Variants in TMEM132B observed in about 807,000 individuals in gnomAD.
The protein encoded by TMEM132B is transmembrane protein 132B.
TMEM132B carries 18 observed loss-of-function variants against 90.8 expected under a neutral mutation model. The observed-to-expected ratio is 0.20, with a 90% confidence interval of 0.14 to 0.29. The LOEUF is 0.29. TMEM132B is among the 10% of genes least tolerant of loss of function. The pLI is 1.00. For synonymous variants in TMEM132B, 504 were observed against 523.3 expected, an observed-to-expected ratio of 0.96 and a Z score of 0.50; for missense variants, 1,096 against 1,326.8, an observed-to-expected ratio of 0.83 and a Z score of 2.70.
At chr12:125,480,484 T>C (rs12308460) in intron 3 of TMEM132B, among the ~76,000 whole-genome samples, 2,849 of 152,238 alleles carry the variant, frequency 0.019, 93 homozygotes, top group African/African-American at 0.066. Flanking sequence ...TAAACACCTC[T>C]ACGCAAATAA....
At chr12:125,287,954 G>A (rs1354460128) in intron 1 of TMEM132B, among the ~76,000 whole-genome samples, 2 of 151,910 alleles carry the variant, frequency 1.3e-5, no homozygotes, top group African/African-American at 4.8e-5. Flanking sequence ...TGCAACCTCT[G>A]CCTCCCGGGT....
chr12:125,579,071 G>A (rs1416406507), intron 4 of TMEM132B, among the ~76,000 whole-genome samples: 1 of 152,004 alleles, frequency 6.6e-6, no homozygotes, highest in Non-Finnish European at 1.5e-5. Context: ...GACTGCAATT[G>A]TGCTTATGCT....
At chr12:125,634,456 A>T (rs1274168017) in intron 5 of TMEM132B, among the ~76,000 whole-genome samples, 1 of 152,192 alleles carries the variant, frequency 6.6e-6, no homozygotes, top group Non-Finnish European at 1.5e-5. Flanking sequence ...TGCAAGAGAA[A>T]TTCTTTACTT....
At chr12:125,526,456 G>T (rs931354295) in intron 4 of TMEM132B, among the ~76,000 whole-genome samples, 14 of 152,196 alleles carry the variant, frequency 9.2e-5, no homozygotes, top group African/African-American at 2.4e-4. Flanking sequence ...AGATGCTGGG[G>T]GAATGAGGGT....
At chr12:125,615,325 ATCTG>A (rs984872240) in intron 5 of TMEM132B, among the ~76,000 whole-genome samples, 18 of 152,040 alleles carry the variant, frequency 1.2e-4, no homozygotes, top group South Asian at 2.1e-4. Context: ...TATATATGAT[ATCTG>A]TCTGTCTATC....
At chr12:125,315,227 C>T (rs1876233565) in intron 1 of TMEM132B, among the ~76,000 whole-genome samples, 1 of 152,254 alleles carries the variant, frequency 6.6e-6, no homozygotes, top group African/African-American at 2.4e-5. Flanking sequence ...GAGACAGGGT[C>T]TCGCTCTGTC....
At chr12:125,564,614 G>A (rs73416341) in intron 4 of TMEM132B, among the ~76,000 whole-genome samples, 26,568 of 152,096 alleles carry the variant, frequency 0.17, 2,553 homozygotes, top group East Asian at 0.43. Flanking sequence ...AGGATTGAAG[G>A]GCTTAAGGAA....
chr12:125,652,808 A>T (rs1029774494), intron 8 of TMEM132B, among the ~76,000 whole-genome samples, 176 bp downstream of exon 8: 1 of 152,226 alleles, frequency 6.6e-6, no homozygotes, highest in African/African-American at 2.4e-5. Flanking sequence ...TGGCTTAGAC[A>T]CATTTCCTCT....
chr12:125,366,888 A>G (rs1878151256), intron 2 of TMEM132B, among the ~76,000 whole-genome samples: 1 of 152,182 alleles, frequency 6.6e-6, no homozygotes, highest in Non-Finnish European at 1.5e-5. Context: ...TTTACATTGA[A>G]TAATTCCATT....
rs561958742 is a variant in TMEM132B at position 125,605,585 on chromosome 12, A to G, written c.1437+21591A>G. On this transcript the variant is annotated intron_variant, in intron 5 of 8. Coordinates refer to ENST00000682704, the MANE Select transcript of TMEM132B (RefSeq NM_001366854.1). ...GTTGAGCAGAATTCCCTATATTAGT[A>G]TGAAAAATCTCTCCTCTTAATTTTC... Among the ~76,000 whole-genome samples, 4 of 152,310 alleles carry G rather than the reference A, an allele frequency of 2.6e-5. No homozygotes were observed. In the South Asian group the frequency reaches 8.3e-4, roughly 32 times the overall value.
chr12:125,530,233 G>GTTT (rs34629082), intron 4 of TMEM132B, among the ~76,000 whole-genome samples: 21 of 147,772 alleles, frequency 1.4e-4, no homozygotes, highest in Non-Finnish European at 2.4e-4. Flanking sequence ...TTATTCCATA[G>GTTT]TTTTTTTTTT....
intron 3 of TMEM132B, among the ~76,000 whole-genome samples, chr12:125,497,035 C>T (rs1248238683): frequency 6.6e-6 from 1 of 152,184 alleles, no homozygotes; most frequent in Non-Finnish European, 1.5e-5. Flanking sequence ...TAGAGTCTTA[C>T]CGGCTTCCTC....
rs1338052509 is a variant in TMEM132B at position 125,194,269 on chromosome 12, G to C, written c.67+7403G>C. On this transcript the variant is annotated intron_variant, in intron 1 of 8. Coordinates refer to ENST00000682704, the MANE Select transcript of TMEM132B (RefSeq NM_001366854.1). The stretch of plus-strand genomic sequence containing the variant: ...CGAGCCTGGTCTGAATTAACCCGTT[G>C]GTGGGGGGGTCTTACTCATTGTGGC... 3.2e-5 allele frequency among the ~76,000 whole-genome samples: 3 copies of C among 93,812 alleles called. No individual in the cohort carries two copies. In the Admixed American group the frequency reaches 3.5e-4, roughly 11 times the overall value. 61.5% of individuals were successfully genotyped at this position (93,812 alleles called of 152,430 possible).
At chr12:125,613,108 A>T (rs1325058881) in intron 5 of TMEM132B, among the ~76,000 whole-genome samples, 1 of 14,838 alleles carries the variant, frequency 6.7e-5, no homozygotes, top group African/African-American at 9.7e-4. Flanking sequence ...TTTATATATT[A>T]AAATATATAT....
intron 3 of TMEM132B, among the ~76,000 whole-genome samples, chr12:125,453,080 C>CAG (rs199754957): frequency 0.063 from 8,054 of 127,678 alleles, 362 homozygotes; most frequent in African/African-American, 0.16. Flanking sequence ...CAGTAAAACA[C>CAG]ACACACACAC....
intron 5 of TMEM132B, among the ~76,000 whole-genome samples, chr12:125,628,509 A>G (rs1886286273): frequency 6.6e-6 from 1 of 151,956 alleles, no homozygotes; most frequent in Non-Finnish European, 1.5e-5. Flanking sequence ...TTTTTTTCCA[A>G]TTAAGTTGTT....
At chr12:125,620,382 G>T (rs1886089374) in intron 5 of TMEM132B, among the ~76,000 whole-genome samples, 1 of 152,322 alleles carries the variant, frequency 6.6e-6, no homozygotes, top group Non-Finnish European at 1.5e-5. Context: ...AAGGACAGTG[G>T]CCAGTCATGC....
At chr12:125,212,752 G>A (rs1416105460) in intron 1 of TMEM132B, among the ~76,000 whole-genome samples, 4 of 152,136 alleles carry the variant, frequency 2.6e-5, no homozygotes, top group Non-Finnish European at 5.9e-5. Flanking sequence ...CCAAAGTGTT[G>A]GGATTATAGG....
At chr12:125,293,604 C>A (rs1305826931) in intron 1 of TMEM132B, among the ~76,000 whole-genome samples, 1 of 152,180 alleles carries the variant, frequency 6.6e-6, no homozygotes, top group Non-Finnish European at 1.5e-5. Context: ...TAGCTGCATC[C>A]ATGTTGCTGC....
Sources: gnomAD v4.1 joint callset for allele counts (sites outside exome capture counted in the v4.1 genomes callset) on GRCh38, gnomAD v4.1.1 for gene constraint, MANE v1.5 for transcripts, NCBI Gene and HGNC (gene_info 2026-07-23, HGNC 2026-07-21) for gene names.